Variants in MACROD2 observed in about 807,000 individuals in gnomAD.
MACROD2 encodes the protein ADP-ribose glycohydrolase MACROD2.
MACROD2 carries 36 observed loss-of-function variants against 70.4 expected under a neutral mutation model. The observed-to-expected ratio is 0.51, with a 90% CI of 0.39 to 0.68. MACROD2 has a LOEUF of 0.68. Ranked by LOEUF, MACROD2 falls within the 30% of genes least tolerant of loss-of-function variation. The pLI, the probability that MACROD2 is intolerant of heterozygous loss-of-function variation, is 0.00. For missense variants in MACROD2, 496 were observed against 538.4 expected (o/e 0.92, Z 0.78); for synonymous variants, 172 against 178.8 (o/e 0.96, Z 0.30).
intron 5 of MACROD2, among the ~76,000 whole-genome samples, chr20:14,939,889 A>C (rs1805820994): frequency 6.6e-6 from 1 of 151,864 alleles, no homozygotes. Context: ...TACATTCATG[A>C]ATTTTTTCAG....
chr20:15,798,319 C>G (rs1193980370), intron 8 of MACROD2, among the ~76,000 whole-genome samples: 1 of 152,170 alleles, frequency 6.6e-6, no homozygotes, highest in Non-Finnish European at 1.5e-5. Flanking sequence ...GAAGCTCCTT[C>G]ATTCACATGT....
intron 5 of MACROD2, among the ~76,000 whole-genome samples, chr20:14,971,001 A>T (rs57239311): frequency 0.14 from 20,943 of 152,208 alleles, 1,726 homozygotes; most frequent in East Asian, 0.33. Flanking sequence ...GAATACAGGC[A>T]TCCCTTTGTA....
At chr20:15,000,629 CA>C (rs398040701) in intron 5 of MACROD2, among the ~76,000 whole-genome samples, 32 of 21,980 alleles carry the variant, frequency 1.5e-3, no homozygotes, top group East Asian at 9.3e-3. Context: ...GACTCCGTCT[CA>C]AAAAAAAAAA....
chr20:14,916,575 T>A (rs958184349), intron 5 of MACROD2, among the ~76,000 whole-genome samples: 2 of 152,182 alleles, frequency 1.3e-5, no homozygotes, highest in Non-Finnish European at 2.9e-5. Flanking sequence ...GTGATTTATA[T>A]CTGCAATGTT....
At chr20:15,174,601 C>CTTCCACAA (rs2076445855) in intron 5 of MACROD2, among the ~76,000 whole-genome samples, 2 of 152,224 alleles carry the variant, frequency 1.3e-5, no homozygotes, top group South Asian at 4.2e-4. Flanking sequence ...AATGGTTGAA[C>CTTCCACAA]TAGTTTACAG....
chr20:15,999,365 A>G (rs180674159), intron 15 of MACROD2, among the ~76,000 whole-genome samples: 94 of 152,304 alleles, frequency 6.2e-4, no homozygotes, highest in African/African-American at 2.0e-3. Flanking sequence ...CATGATTTCA[A>G]TGAACTTAAG....
At chr20:14,376,768 A>G (rs1488877699) in intron 3 of MACROD2, among the ~76,000 whole-genome samples, 1 of 147,254 alleles carries the variant, frequency 6.8e-6, no homozygotes, top group East Asian at 2.0e-4. Flanking sequence ...AATAATAATA[A>G]TAATAATAAT....
At chr20:14,689,402 C>G (rs1424802562) in intron 5 of MACROD2, among the ~76,000 whole-genome samples, 1 of 152,092 alleles carries the variant, frequency 6.6e-6, no homozygotes, top group Non-Finnish European at 1.5e-5. Flanking sequence ...ATTCATATAG[C>G]TTAAAAAATG....
intron 5 of MACROD2, among the ~76,000 whole-genome samples, chr20:15,093,531 G>C (rs191132792): frequency 6.6e-6 from 1 of 152,056 alleles, no homozygotes; most frequent in Non-Finnish European, 1.5e-5. Context: ...TTGTGAAAAG[G>C]CCTCAGTAAC....
At chr20:15,646,609 G>T (rs780063154) in intron 8 of MACROD2, among the ~76,000 whole-genome samples, 2 of 152,114 alleles carry the variant, frequency 1.3e-5, no homozygotes, top group Non-Finnish European at 2.9e-5. Flanking sequence ...CATATAGTCC[G>T]CACGTATCGA....
chr20:14,978,362 C>T (rs1193946361), intron 5 of MACROD2, among the ~76,000 whole-genome samples: 1 of 121,520 alleles, frequency 8.2e-6, no homozygotes, highest in Non-Finnish European at 1.7e-5. Flanking sequence ...AGTAGTCCCC[C>T]TCTCCGCGCC....
chr20:15,111,181 T>TG (rs986983367), intron 5 of MACROD2, among the ~76,000 whole-genome samples: 2 of 151,052 alleles, frequency 1.3e-5, no homozygotes, highest in African/African-American at 4.9e-5. Flanking sequence ...TTGTTTGTTT[T>TG]TTTTTTTTTG....
At chr20:14,171,497 G>T (rs766738648) in intron 3 of MACROD2, among the ~76,000 whole-genome samples, 25 of 152,014 alleles carry the variant, frequency 1.6e-4, no homozygotes, top group South Asian at 6.2e-4. Flanking sequence ...TCCTCCTAGT[G>T]CCATTTTTGC....
intron 8 of MACROD2, among the ~76,000 whole-genome samples, chr20:15,814,211 A>G (rs889814952): frequency 2.0e-5 from 3 of 152,106 alleles, no homozygotes; most frequent in African/African-American, 7.2e-5. Context: ...GCTCCACACA[A>G]TTTTTAGCTT....
chr20:15,442,585 C>T (rs1234594868), intron 7 of MACROD2, among the ~76,000 whole-genome samples: 2 of 152,082 alleles, frequency 1.3e-5, no homozygotes, highest in East Asian at 1.9e-4. Context: ...CTTCCACTCA[C>T]CTTCCATTTA....
At chr20:14,721,266 AAAAAGAAAAG>A (rs1224809065) in intron 5 of MACROD2, among the ~76,000 whole-genome samples, 1 of 151,738 alleles carries the variant, frequency 6.6e-6, no homozygotes, top group Non-Finnish European at 1.5e-5. Context: ...AAAAAAAAAA[AAAAAGAAAAG>A]AAAAAGAAAA....
chr20:14,468,599 GCCT>G (rs1216986804), intron 3 of MACROD2, among the ~76,000 whole-genome samples: 1 of 151,672 alleles, frequency 6.6e-6, no homozygotes, highest in Non-Finnish European at 1.5e-5. Flanking sequence ...TGCAACCTCC[GCCT>G]CCCGGGTTCA....
intron 2 of MACROD2, among the ~76,000 whole-genome samples, chr20:14,071,406 A>G (rs1018873167): frequency 2.6e-5 from 4 of 151,436 alleles, no homozygotes; most frequent in African/African-American, 9.7e-5. Flanking sequence ...GACTACAGGC[A>G]CCTACCACCA....
intron 5 of MACROD2, among the ~76,000 whole-genome samples, chr20:14,861,818 T>A (rs2072371585): frequency 6.8e-6 from 1 of 148,078 alleles, no homozygotes; most frequent in Admixed American, 7.0e-5. Context: ...CTTGACAACG[T>A]TCCTTCTTAA....
Sources: allele counts gnomAD v4.1 joint callset (sites outside exome capture counted in the v4.1 genomes callset), GRCh38; gene constraint gnomAD v4.1.1; transcripts MANE v1.5; gene names NCBI Gene and HGNC (gene_info 2026-07-23, HGNC 2026-07-21).